TP63: variants seen among roughly 807,000 people sequenced by gnomAD.
The protein encoded by TP63 is tumor protein p63.
TP63 carries 17 observed loss-of-function variants against 82.8 expected under a neutral mutation model. The observed-to-expected ratio is 0.21, with a 90% confidence interval of 0.14 to 0.31. The LOEUF (loss-of-function observed/expected upper bound fraction) is 0.31. Among genes scored for constraint, TP63 ranks in the 10% least tolerant of loss-of-function variants. The pLI, the probability that TP63 is intolerant of heterozygous loss-of-function variation, is 1.00. For missense variants in TP63, 648 were observed against 895.3 expected (o/e 0.72, Z 3.52); for synonymous variants, 330 against 321.7 (o/e 1.03, Z -0.28).
intron 1 of TP63, among the ~76,000 whole-genome samples, chr3:189,735,978 G>A (rs1288413491): frequency 6.6e-6 from 1 of 151,742 alleles, no homozygotes; most frequent in Non-Finnish European, 1.5e-5. Flanking sequence ...GCTATCAAGG[G>A]AACTGGGTAA....
chr3:189,771,725 G>A (rs67190515), intron 3 of TP63, among the ~76,000 whole-genome samples: 22,156 of 151,812 alleles, frequency 0.15, 1,895 homozygotes, highest in African/African-American at 0.24. Flanking sequence ...AGTTATCTGA[G>A]AGTGAGATCT....
intron 4 of TP63, among the ~76,000 whole-genome samples, chr3:189,839,694 T>TA (rs1560241505): frequency 1.3e-5 from 2 of 152,234 alleles, no homozygotes; most frequent in African/African-American, 2.4e-5. Flanking sequence ...AATAGTGTGA[T>TA]GCAATCGTGA....
intron 3 of TP63, among the ~76,000 whole-genome samples, chr3:189,765,349 A>G (rs1242613519): frequency 6.6e-6 from 1 of 151,682 alleles, no homozygotes; most frequent in Non-Finnish European, 1.5e-5. Context: ...TCATCAAGTA[A>G]CATTAAGTTC....
intron 7 of TP63, 140 bp downstream of exon 7, chr3:189,868,082 G>A (rs551434855): frequency 1.1e-4 from 85 of 767,270 alleles, no homozygotes; most frequent in East Asian, 2.4e-4. Context: ...TGCTACAAAC[G>A]GTTACATAAA....
intron 4 of TP63, among the ~76,000 whole-genome samples, chr3:189,813,996 A>G (rs1363230772): frequency 6.6e-6 from 1 of 152,140 alleles, no homozygotes; most frequent in Non-Finnish European, 1.5e-5. Flanking sequence ...GAGCAAGTGG[A>G]GAGATTAGGG....
chr3:189,620,505 T>TAAAA, the TP63 span, among the ~76,000 whole-genome samples: 1 of 26,350 alleles, frequency 3.8e-5, no homozygotes. Flanking sequence ...CAAGACTCCA[T>TAAAA]CAAAAAAAAA....
rs9840359 is a variant in TP63, at chr3:189,873,035, G to T, written c.1349+40G>T. On this transcript the variant is annotated intron_variant, in intron 10 of 13. Coordinates refer to ENST00000264731, the MANE Select transcript of TP63 (RefSeq NM_003722.5). ...GTGTCATTTTAGGAGGCATGAGTGA[G>T]GGTGACTTTATTTGGATCAGCAATA... The T allele has an allele frequency of 3.8e-3, 6,146 of 1,613,618 alleles. 17 individuals carry two copies. Among genetic ancestry groups the T allele is most frequent in the Middle Eastern group, 4.8e-3 (29 of 6,056 alleles).
intron 3 of TP63, among the ~76,000 whole-genome samples, chr3:189,769,580 AAATT>A (rs1490152427): frequency 1.3e-5 from 2 of 152,222 alleles, no homozygotes; most frequent in African/African-American, 4.8e-5. Flanking sequence ...CCAATTAATA[AAATT>A]AATATGGTCT....
chr3:189,744,486 GGGCC>G (rs1252201003), intron 3 of TP63, among the ~76,000 whole-genome samples: 67 of 152,194 alleles, frequency 4.4e-4, no homozygotes, highest in Middle Eastern at 3.4e-3. Flanking sequence ...CACCATCCAG[GGGCC>G]TGAAAATTGC....
intron 1 of TP63, among the ~76,000 whole-genome samples, chr3:189,707,313 A>G (rs1718276527): frequency 6.6e-6 from 1 of 152,128 alleles, no homozygotes; most frequent in African/African-American, 2.4e-5. Flanking sequence ...TTGTATATTC[A>G]TTTTTCTGAA....
the TP63 span, among the ~76,000 whole-genome samples, chr3:189,622,178 G>A: frequency 1.3e-5 from 2 of 152,168 alleles, no homozygotes; most frequent in Admixed American, 1.3e-4. Flanking sequence ...GTGGATGCCC[G>A]CCATGAGCTC....
chr3:189,796,268 A>C, intron 3 of TP63, among the ~76,000 whole-genome samples: 1 of 152,174 alleles, frequency 6.6e-6, no homozygotes, highest in South Asian at 2.1e-4. Context: ...ACAAGGATAC[A>C]TGTGTAAGAT....
At chr3:189,658,108 C>T (rs938354313) in intron 1 of TP63, among the ~76,000 whole-genome samples, 11 of 151,894 alleles carry the variant, frequency 7.2e-5, no homozygotes, top group African/African-American at 2.7e-4. Context: ...AAACAATCCA[C>T]AAAACATAAT....
In TP63 at chr3:189,890,827, A is replaced by G. The variant is rs1720942806; in HGVS notation, c.1691A>G (p.Tyr564Cys). Residue 564 changes from tyrosine (Y) to cysteine (C), a missense_variant, in exon 13 of 14, where the codon TAT (tyrosine) becomes TGT (cysteine). Physicochemically the swap from Tyr to Cys is radical, Grantham distance 194. Around this residue, in one of 5 missense-constraint regions of TP63, gnomAD observed 342 missense variants for 425.7 expected, o/e 0.80. Transcript: ENST00000264731. ...ARLGCSSCLD[Y>C]FTTQGLTTIY... ...TTGGGCTGTTCATCATGTCTGGACT[A>G]TTTCACGACCCAGGGGCTGACCACC... 1.2e-6 allele frequency: 2 copies of G among 1,613,926 alleles called. No individual in the cohort carries two copies. Among genetic ancestry groups the G allele is most frequent in the African/African-American group, 1.3e-5 (1 of 74,896 alleles).
chr3:189,611,094 C>CCATA, the TP63 span, among the ~76,000 whole-genome samples: 3 of 152,072 alleles, frequency 2.0e-5, no homozygotes, highest in Admixed American at 1.3e-4. Context: ...CACAGCCAAG[C>CCATA]CATATCAACT....
At chr3:189,841,903 A>C (rs992674827) in intron 4 of TP63, among the ~76,000 whole-genome samples, 1 of 152,172 alleles carries the variant, frequency 6.6e-6, no homozygotes, top group Non-Finnish European at 1.5e-5. Context: ...GTCTTGGACC[A>C]GGGGGTAAAA....
chr3:189,856,675 A>G (rs951949648), intron 4 of TP63, among the ~76,000 whole-genome samples: 4 of 152,090 alleles, frequency 2.6e-5, no homozygotes, highest in Non-Finnish European at 4.4e-5. Context: ...CATAGGCTAC[A>G]TGGTCATTAT....
chr3:189,689,499 G>A (rs899220922), intron 1 of TP63, among the ~76,000 whole-genome samples: 22 of 152,056 alleles, frequency 1.4e-4, no homozygotes, highest in African/African-American at 5.3e-4. Flanking sequence ...CTTAGTTGTA[G>A]AATTTGTTCT....
the TP63 span, among the ~76,000 whole-genome samples, chr3:189,596,930 A>G: frequency 0.015 from 2,310 of 151,568 alleles, 73 homozygotes; most frequent in African/African-American, 0.053. Flanking sequence ...GGAACGAACA[A>G]CTCCAGACGC....
Sources: allele counts gnomAD v4.1 joint callset (sites outside exome capture counted in the v4.1 genomes callset), GRCh38; gene constraint gnomAD v4.1.1; regional missense constraint gnomAD v4.1.1; transcripts MANE v1.5; gene names NCBI Gene and HGNC (gene_info 2026-07-23, HGNC 2026-07-21).